The following KCNH5 variants were observed in gnomAD, a reference collection of about 807,000 sequenced individuals.
KCNH5 encodes the protein voltage-gated delayed rectifier potassium channel KCNH5.
Under a neutral mutation model 96.1 loss-of-function variants are expected in KCNH5, and 46 were observed. That is an observed-to-expected ratio of 0.48 (90% confidence interval 0.38 to 0.61). The LOEUF (loss-of-function observed/expected upper bound fraction) is 0.61. Among genes scored for constraint, KCNH5 ranks in the 20% least tolerant of loss-of-function variants. KCNH5 has a pLI of 0.00. For synonymous variants in KCNH5, 439 were observed against 449.8 expected (o/e 0.98, Z 0.30); for missense variants, 907 against 1,225.8 (o/e 0.74, Z 3.88).
chr14:63,029,094 C>CTA (rs570973309), intron 1 of KCNH5, among the ~76,000 whole-genome samples: 23 of 152,230 alleles, frequency 1.5e-4, no homozygotes, highest in African/African-American at 4.8e-4. Context: ...TATATGCACT[C>CTA]TGAGTTTATG....
intron 7 of KCNH5, among the ~76,000 whole-genome samples, chr14:62,892,867 AT>A (rs1045724056): frequency 1.7e-4 from 25 of 151,500 alleles, no homozygotes; most frequent in African/African-American, 3.6e-4. Context: ...CCCCCCAAAA[AT>A]TTTTTTTTCA....
At chr14:62,953,993 G>A (rs1179316086) in intron 6 of KCNH5, among the ~76,000 whole-genome samples, 1 of 152,082 alleles carries the variant, frequency 6.6e-6, no homozygotes, top group Non-Finnish European at 1.5e-5. Flanking sequence ...TGTGACACGC[G>A]AAGCCCATCA....
chr14:62,732,341 T>C (rs1885067899), intron 10 of KCNH5, among the ~76,000 whole-genome samples: 1 of 152,214 alleles, frequency 6.6e-6, no homozygotes, highest in South Asian at 2.1e-4. Context: ...AGCCAATCAT[T>C]TTACTGTGGC....
At chr14:62,887,265 G>A (rs530802482) in intron 7 of KCNH5, among the ~76,000 whole-genome samples, 1 of 152,216 alleles carries the variant, frequency 6.6e-6, no homozygotes, top group Admixed American at 6.5e-5. Context: ...TGATACAAGC[G>A]AAATCAGTTC....
chr14:62,849,187 A>G (rs1353107540), intron 8 of KCNH5, among the ~76,000 whole-genome samples: 1 of 152,208 alleles, frequency 6.6e-6, no homozygotes, highest in East Asian at 1.9e-4. Context: ...TTTATAAAAC[A>G]TATGAGACAG....
intron 7 of KCNH5, among the ~76,000 whole-genome samples, chr14:62,898,537 A>G (rs1395101608): frequency 6.6e-6 from 1 of 152,188 alleles, no homozygotes; most frequent in Non-Finnish European, 1.5e-5. Flanking sequence ...ACTAATGTAA[A>G]TAGACTAACA....
chr14:63,002,291 T>A (rs1374655443), intron 3 of KCNH5, among the ~76,000 whole-genome samples: 3 of 152,128 alleles, frequency 2.0e-5, no homozygotes, highest in African/African-American at 7.2e-5. Context: ...TTTGGATAAG[T>A]CAGGAACTGG....
At chr14:62,720,320 A>T (rs1400515921) in intron 10 of KCNH5, among the ~76,000 whole-genome samples, 2 of 152,186 alleles carry the variant, frequency 1.3e-5, no homozygotes, top group African/African-American at 4.8e-5. Flanking sequence ...TTTGGAGCAG[A>T]GGACTCACAT....
chr14:62,970,019 C>G (rs932607109), intron 6 of KCNH5, among the ~76,000 whole-genome samples: 1 of 116,148 alleles, frequency 8.6e-6, no homozygotes, highest in African/African-American at 3.4e-5. Flanking sequence ...GCTTGGGTGA[C>G]TGGGTGACAG....
intron 10 of KCNH5, among the ~76,000 whole-genome samples, chr14:62,736,665 C>T (rs1024089420): frequency 1.3e-5 from 2 of 152,162 alleles, no homozygotes; most frequent in African/African-American, 2.4e-5. Context: ...CTTCCTCACA[C>T]AGAAACATTC....
intron 9 of KCNH5, 136 bp from the exon 10 acceptor site, chr14:62,780,060 C>T (rs555308491): frequency 1.3e-4 from 69 of 518,686 alleles, no homozygotes; most frequent in Non-Finnish European, 1.8e-4. Context: ...TCTATAAACA[C>T]ATAACAATAC....
chr14:62,874,163 G>C (rs980475251), intron 7 of KCNH5, among the ~76,000 whole-genome samples: 11 of 152,110 alleles, frequency 7.2e-5, no homozygotes, highest in Non-Finnish European at 1.0e-4. Context: ...TACTACTACA[G>C]AAGATTTTAA....
At chr14:62,910,939 A>ACACC (rs945572742) in intron 7 of KCNH5, among the ~76,000 whole-genome samples, 2 of 142,728 alleles carry the variant, frequency 1.4e-5, no homozygotes, top group African/African-American at 5.5e-5. Context: ...ACACACACAC[A>ACACC]CACCCCTCTG....
chr14:62,962,238 C>G (rs1447216617), intron 6 of KCNH5, among the ~76,000 whole-genome samples: 4 of 152,088 alleles, frequency 2.6e-5, no homozygotes, highest in Non-Finnish European at 5.9e-5. Context: ...TTGTTTCAGC[C>G]CTTTGACCAG....
intron 8 of KCNH5, among the ~76,000 whole-genome samples, chr14:62,848,074 CTT>C (rs1433891449): frequency 6.6e-6 from 1 of 152,234 alleles, no homozygotes; most frequent in Admixed American, 6.5e-5. Context: ...GGCTCAGACT[CTT>C]TTCAAATACG....
chr14:63,012,412 C>T (rs986982887), intron 2 of KCNH5, among the ~76,000 whole-genome samples: 2 of 152,132 alleles, frequency 1.3e-5, no homozygotes, highest in African/African-American at 4.8e-5. Context: ...ATTTCAGTAC[C>T]ATTATGACAT....
rs1884475870 is a variant in KCNH5 at position 62,708,023 on chromosome 14, T to C, written c.2452A>G (p.Met818Val). The C allele has an allele frequency of 6.2e-7, 1 of 1,614,092 alleles. No homozygotes were observed. The highest frequency in any genetic ancestry group is 1.7e-5 in the Admixed American group (1 of 60,010). Residue 818 changes from methionine (M) to valine (V), a missense_variant, in exon 11 of 11, where the codon ATG becomes GTG. This residue lies in a region of KCNH5 where 362 missense variants were observed against 394.4 expected (regional missense o/e 0.92). Coordinates refer to ENST00000322893, the MANE Select transcript of KCNH5 (RefSeq NM_139318.5). ...GKGWLRLKNN[M>V]GAHEEKKEDW... is the part of the protein sequence containing the mutation. ...TCCTTTTTCTCCTCATGGGCTCCCATATTATTCTTGAGTCGCAGCCACCCT... is the reference window on the plus strand; with the variant it reads ...TCCTTTTTCTCCTCATGGGCTCCCACATTATTCTTGAGTCGCAGCCACCCT...
At chr14:62,923,510 A>C (rs1237763135) in intron 7 of KCNH5, among the ~76,000 whole-genome samples, 4 of 151,982 alleles carry the variant, frequency 2.6e-5, no homozygotes, top group Middle Eastern at 3.2e-3. Context: ...TGAATAGCTA[A>C]AGCAATCTTG....
rs1884469099 is a variant in KCNH5 at position 62,707,813 on chromosome 14, T to C, written c.2662A>G (p.Ser888Gly). The C allele has an allele frequency of 3.0e-5, 49 of 1,614,062 alleles. No individual in the cohort carries two copies. The highest frequency in any genetic ancestry group is 4.0e-5 in the Non-Finnish European group (47 of 1,180,044). ...AGEARSPLEH[S>G]PIQADAKHPF... ...TGCTTGGCATCAGCCTGGATGGGAC[T>C]GTGCTCTAGCGGACTTCGGGCCTCC... Residue 888 changes from serine (S) to glycine (G), a missense_variant, in exon 11 of 11, where the codon AGT (serine) becomes GGT (glycine). Around this residue, in one of 6 missense-constraint regions of KCNH5, gnomAD observed 362 missense variants for 394.4 expected, o/e 0.92. Coordinates refer to ENST00000322893, the MANE Select transcript of KCNH5 (RefSeq NM_139318.5).
Sources: gnomAD v4.1 joint callset for allele counts (sites outside exome capture counted in the v4.1 genomes callset) on GRCh38, gnomAD v4.1.1 for gene constraint, gnomAD v4.1.1 regional missense constraint, MANE v1.5 for transcripts, NCBI Gene and HGNC (gene_info 2026-07-23, HGNC 2026-07-21) for gene names.